ATXN7L3: variants seen among roughly 807,000 people sequenced by gnomAD.
ATXN7L3 encodes ataxin 7 like 3, also known as ataxin-7-like protein 3.
In ATXN7L3, 6 loss-of-function variants were observed where a neutral mutation model predicts 50.0. That is an observed-to-expected ratio of 0.12 (90% CI 0.07 to 0.24). ATXN7L3 has a LOEUF of 0.24. Among genes scored for constraint, ATXN7L3 ranks in the 10% least tolerant of loss-of-function variants. The pLI is 1.00. For synonymous variants in ATXN7L3, 198 were observed against 165.8 expected, an observed-to-expected ratio of 1.19 and a Z score of -1.49; for missense variants, 322 against 451.3, an observed-to-expected ratio of 0.71 and a Z score of 2.60.
chr17:44,196,456 T>C, intron 5 of ATXN7L3, 38 bp from the exon 6 acceptor site: 1 of 1,613,618 alleles, frequency 6.2e-7, no homozygotes, highest in South Asian at 1.1e-5. Flanking sequence ...GGGTTTCCGT[T>C]AAGTTCTCAA....
intron 7 of ATXN7L3, 91 bp downstream of exon 7, chr17:44,195,943 T>C: frequency 1.3e-5 from 21 of 1,561,026 alleles, no homozygotes; most frequent in Non-Finnish European, 1.8e-5. Context: ...CCTCCCTCAA[T>C]TCCCCTATCC....
rs374683470 is a variant in ATXN7L3, at chr17:44,194,458, G to A, written c.896-47C>T. On this transcript the variant is annotated intron_variant, in intron 12 of 12. Coordinates refer to ENST00000587097, the MANE Select transcript of ATXN7L3 (RefSeq NM_001382309.1). ...GGATGAGAGTATGGTTATGGCAGGAGAGGTGGCACCCCCATGGCTTTGGGC... is the reference window on the plus strand; with the variant it reads ...GGATGAGAGTATGGTTATGGCAGGAAAGGTGGCACCCCCATGGCTTTGGGC... 44 of 1,613,174 alleles carry A rather than the reference G, an allele frequency of 2.7e-5. No individual in the cohort carries two copies. The Admixed American group carries it at 4.0e-4, about 15-fold the overall frequency.
chr17:44,198,768 G>A (rs952309500), intron 1 of ATXN7L3: 5 of 152,592 alleles, frequency 3.3e-5, no homozygotes, highest in Admixed American at 2.6e-4. Flanking sequence ...GCCTGGTAGG[G>A]TGGCACGCCA....
At chr17:44,194,991 G>A (rs2055831337) in intron 10 of ATXN7L3, 106 bp downstream of exon 10, 2 of 1,490,150 alleles carry the variant, frequency 1.3e-6, no homozygotes, top group South Asian at 1.1e-5. Flanking sequence ...GAGGAGGGAA[G>A]GGGAAGGGCA....
intron 1 of ATXN7L3, chr17:44,199,181 C>A (rs1457199855): frequency 6.6e-6 from 1 of 151,674 alleles, no homozygotes; most frequent in African/African-American, 2.4e-5. Context: ...CAGCCCCGGC[C>A]GGCCGGGGAG....
chr17:44,192,275 C>CT lies in ATXN7L3; in HGVS notation c.*1987dup, dbSNP rs2055712584. 1 of 152,288 alleles carries CT rather than the reference C, an allele frequency of 6.6e-6. No homozygotes were observed. Among genetic ancestry groups the CT allele is most frequent in the Admixed American group, 6.5e-5 (1 of 15,290 alleles). 9.4% of individuals were successfully genotyped at this position (152,288 alleles called of 1,614,324 possible). ...GGTCCCTGCTGGACCAAGCCCATCTCTTACCCAGCCTGGGCAGGGGGCTCT... is the reference window on the plus strand; with the variant it reads ...GGTCCCTGCTGGACCAAGCCCATCTCTTTACCCAGCCTGGGCAGGGGGCTCT... On this transcript the variant is annotated 3_prime_UTR_variant, in exon 13 of 13. Transcript: ENST00000587097.
Position 44,194,623 on chromosome 17 carries a change from A to C in ATXN7L3, c.789T>G (p.Thr263=). ...GCCGGCTGATCAGGGCCTGGCTGTC[A>C]GTCATGTCAAAGCTGTCATTATCCA... is the stretch of plus-strand genomic sequence containing the variant. The part of the protein sequence containing the change: ...SSLDNDSFDM[T]DSQALISRLQ... Residue 263 remains threonine (T), a synonymous_variant, in exon 12 of 13, where the codon ACT becomes ACG. Transcript: ENST00000587097. 1 of 1,614,000 alleles carries C rather than the reference A, an allele frequency of 6.2e-7. No individual in the cohort carries two copies. The highest frequency in any genetic ancestry group is 1.1e-5 in the South Asian group (1 of 91,074).
intron 8 of ATXN7L3, 127 bp from the exon 9 acceptor site, chr17:44,195,614 A>G (rs1338168488): frequency 5.7e-6 from 7 of 1,237,662 alleles, no homozygotes; most frequent in Non-Finnish European, 8.2e-6. Flanking sequence ...GCCGTTTTCC[A>G]AGTGATTTCT....
chr17:44,196,425 G>T lies in ATXN7L3; in HGVS notation c.455-7C>A, dbSNP rs768580188. 6.2e-7 allele frequency: 1 copy of T among 1,614,000 alleles called. No individual in the cohort carries two copies. Among genetic ancestry groups the T allele is most frequent in the South Asian group, 1.1e-5 (1 of 91,078 alleles). On this transcript the variant is annotated splice_region_variant and splice_polypyrimidine_tract_variant and intron_variant, in intron 5 of 12. Transcript: ENST00000587097. ...TCTGACTTTCTCTTCTTGGCTGTGG[G>T]AAACAAAAGCATAAAGAGCAGGGTT...
chr17:44,197,207 G>C (rs761136534), intron 4 of ATXN7L3, 21 bp downstream of exon 4: 5 of 1,580,592 alleles, frequency 3.2e-6, no homozygotes, highest in Non-Finnish European at 4.3e-6. Context: ...TGCAGAGAAC[G>C]GGCAGCTCTG....
intron 9 of ATXN7L3, 57 bp from the exon 10 acceptor site, chr17:44,195,197 G>C (rs747265670): frequency 1.9e-6 from 3 of 1,565,726 alleles, no homozygotes; most frequent in African/African-American, 1.4e-5. Flanking sequence ...CTAGATGTTA[G>C]ATGTTTCTTT....
At chr17:44,195,778 A>G (rs1391683603) in intron 8 of ATXN7L3, 22 bp downstream of exon 8, 1 of 1,591,928 alleles carries the variant, frequency 6.3e-7, no homozygotes, top group East Asian at 2.2e-5. Flanking sequence ...GAGAGCAAGC[A>G]TGAGGGGCGG....
rs1430208876 is a variant in ATXN7L3, at chr17:44,195,696, A to G, written c.552+104T>C. On this transcript the variant is annotated intron_variant, in intron 8 of 12. Coordinates refer to ENST00000587097, the MANE Select transcript of ATXN7L3 (RefSeq NM_001382309.1). Reference sequence around the variant, plus strand: ...TAAATATGTAAGATCCAAATAGCTCATCAGTGCCTCTGGCTGTCAGCATTC... The same window carrying G: ...TAAATATGTAAGATCCAAATAGCTCGTCAGTGCCTCTGGCTGTCAGCATTC... 1.3e-4 allele frequency: 177 copies of G among 1,338,308 alleles called. 3 individuals are homozygous for G. In the South Asian group the frequency reaches 2.0e-3, roughly 15 times the overall value. 82.9% of individuals were successfully genotyped at this position (1,338,308 alleles called of 1,614,324 possible).
In ATXN7L3 at chr17:44,195,285, G is replaced by A. The variant is rs532643634; in HGVS notation, c.621+134C>T. 3.0e-4 allele frequency: 408 copies of A among 1,351,638 alleles called. 2 individuals carry two copies. In the African/African-American group the frequency reaches 4.8e-3, roughly 16 times the overall value. The allele number at this position is 1,351,638 out of a possible 1,614,324, so 83.7% of individuals were successfully genotyped here. On this transcript the variant is annotated intron_variant, in intron 9 of 12. Coordinates refer to ENST00000587097, the MANE Select transcript of ATXN7L3 (RefSeq NM_001382309.1). ...AGATGGTCCCAGGACACTATGGGCC[G>A]GGAAACCTAATTCCAGACAGAGAGA... is the stretch of plus-strand genomic sequence containing the variant.
chr17:44,195,016 C>G (rs947951195), intron 10 of ATXN7L3, 81 bp downstream of exon 10: 3 of 1,554,142 alleles, frequency 1.9e-6, no homozygotes, highest in African/African-American at 2.7e-5. Flanking sequence ...CCCCATTGCT[C>G]AAGTCCAGGG....
chr17:44,195,912 G>C, intron 7 of ATXN7L3, 84 bp from the exon 8 acceptor site: 1 of 1,566,656 alleles, frequency 6.4e-7, no homozygotes, highest in African/African-American at 1.4e-5. Flanking sequence ...AGGAAGTGGG[G>C]GTGACAGAAG....
intron 6 of ATXN7L3, 146 bp downstream of exon 6, chr17:44,196,250 C>T: frequency 2.2e-6 from 2 of 928,822 alleles, no homozygotes; most frequent in Non-Finnish European, 1.6e-6. Flanking sequence ...TCCCCACCCA[C>T]ACTCCCCCGC....
rs367901552 is a variant in ATXN7L3, at chr17:44,194,685, G to A, written c.738-11C>T. On this transcript the variant is annotated splice_polypyrimidine_tract_variant and intron_variant, in intron 11 of 12. Transcript: ENST00000587097. ...ACCTCTGGAAGGACACTGGAAAGGG[G>A]ATGAGCCAAAGAAGGGCTTTAGAGA... The A allele has an allele frequency of 3.7e-5, 59 of 1,613,812 alleles. No homozygotes were observed. Among genetic ancestry groups the A allele is most frequent in the Non-Finnish European group, 4.7e-5 (55 of 1,179,856 alleles).
Position 44,194,082 on chromosome 17 carries a change from G to T in ATXN7L3, c.*181C>A. The stretch of plus-strand genomic sequence containing the variant: ...TGAGTCCTGCACGCCGAGGAGTCGT[G>T]CTCCATTGCAGAGGACTTTGACACC... On this transcript the variant is annotated 3_prime_UTR_variant, in exon 13 of 13. Transcript: ENST00000587097. 1 of 733,208 alleles carries T rather than the reference G, an allele frequency of 1.4e-6. No individual in the cohort carries two copies. 45.4% of individuals were successfully genotyped at this position (733,208 alleles called of 1,614,324 possible).
Sources: gnomAD v4.1 joint callset for allele counts on GRCh38, gnomAD v4.1.1 for gene constraint, MANE v1.5 for transcripts, NCBI Gene and HGNC (gene_info 2026-07-23, HGNC 2026-07-21) for gene names.